CTNS: variants seen among roughly 807,000 people sequenced by gnomAD.
The protein encoded by CTNS is cystinosin, lysosomal cystine transporter.
A neutral mutation model predicts 43.7 loss-of-function variants in CTNS; 27 were observed. The ratio of observed to expected loss-of-function variants is 0.62; its 90% CI spans 0.46 to 0.85. The LOEUF is 0.85. Among genes scored for constraint, CTNS ranks in the 40% least tolerant of loss-of-function variants. The pLI is 0.00. For missense variants in CTNS, 457 were observed against 475.4 expected (o/e 0.96, Z 0.36); for synonymous variants, 187 against 190.6 (o/e 0.98, Z 0.16).
chr17:3,638,616 G>C (rs927023669), intron 2 of CTNS, among the ~76,000 whole-genome samples: 1 of 152,160 alleles, frequency 6.6e-6, no homozygotes, highest in Non-Finnish European at 1.5e-5. Flanking sequence ...TCCTCCAGGG[G>C]TCTCAGCCTT....
In CTNS at chr17:3,661,153, G is replaced by A; in HGVS notation, c.*784G>A. ...AGCTGCTCCTTACCCAGCATCTGGA[G>A]TACAGGACATAGCTCTCTCCTGCTA... is the stretch of plus-strand genomic sequence containing the variant. On this transcript the variant is annotated 3_prime_UTR_variant, in exon 12 of 12. Coordinates refer to ENST00000046640, the MANE Select transcript of CTNS (RefSeq NM_004937.3). 1 of 318,756 alleles carries A rather than the reference G, an allele frequency of 3.1e-6. No homozygotes were observed. The highest frequency in any genetic ancestry group is 2.7e-5 in the South Asian group (1 of 36,394). The allele number at this position is 318,756 out of a possible 1,614,324, so 19.7% of individuals were successfully genotyped here. A position where few individuals can be genotyped will look rare whatever the true frequency, so the allele number is the denominator to read the frequency against.
At chr17:3,655,746 C>T (rs1361959287) in intron 7 of CTNS, 2 of 326,220 alleles carry the variant, frequency 6.1e-6, no homozygotes, top group Non-Finnish European at 1.2e-5. Flanking sequence ...TGCAAAGACA[C>T]AAGCTGTCCT....
intron 10 of CTNS, 86 bp from the exon 11 acceptor site, chr17:3,659,772 T>C (rs1041484096): frequency 7.3e-6 from 7 of 952,784 alleles, no homozygotes; most frequent in African/African-American, 4.8e-5. Flanking sequence ...AGAACCGCTT[T>C]TGTTTGGAGG....
At chr17:3,643,592 TCTCA>T (rs75008409) in intron 3 of CTNS, among the ~76,000 whole-genome samples, 54,064 of 151,530 alleles carry the variant, frequency 0.36, 11,267 homozygotes, top group Non-Finnish European at 0.47. Context: ...TTAAACGGAT[TCTCA>T]CTCAGTTGCA....
intron 10 of CTNS, 117 bp downstream of exon 10, chr17:3,658,292 C>A: frequency 7.1e-7 from 1 of 1,399,156 alleles, no homozygotes; most frequent in Non-Finnish European, 9.8e-7. Context: ...CGGAAAGCCA[C>A]AGGGAGCCCG....
intron 3 of CTNS, 28 bp downstream of exon 3, chr17:3,640,295 TG>T (rs2075653504): frequency 1.2e-6 from 2 of 1,602,916 alleles, no homozygotes; most frequent in East Asian, 4.5e-5. Context: ...ACGTCAACTT[TG>T]TAAAGAGGGA....
chr17:3,660,193 G>T lies in CTNS; in HGVS notation c.971-43G>T, dbSNP rs376571017. ...CCCACAAGCTCCAGCTGCCTCAGGAGCTGCCAACCTAACACCAGCTTCTGT... is the reference window on the plus strand; with the variant it reads ...CCCACAAGCTCCAGCTGCCTCAGGATCTGCCAACCTAACACCAGCTTCTGT... On this transcript the variant is annotated intron_variant, in intron 11 of 11. Coordinates refer to ENST00000046640, the MANE Select transcript of CTNS (RefSeq NM_004937.3). 167 of 1,613,420 alleles carry T rather than the reference G, an allele frequency of 1.0e-4. 1 individual carries two copies. The African/African-American group carries it at 2.1e-3, about 21-fold the overall frequency.
At position 3,662,148 on chromosome 17, in the gene CTNS, TA is replaced by T. The variant is rs1231310557; in HGVS notation, c.*1782del. 1.3e-5 allele frequency among the ~76,000 whole-genome samples: 2 copies of T among 152,184 alleles called. No homozygotes were observed. Among genetic ancestry groups the T allele is most frequent in the South Asian group, 4.1e-4 (2 of 4,824 alleles). On this transcript the variant is annotated 3_prime_UTR_variant, in exon 12 of 12. Coordinates refer to ENST00000046640, the MANE Select transcript of CTNS (RefSeq NM_004937.3). The stretch of plus-strand genomic sequence containing the variant: ...CAACATTGCAAAACCCCATCTCTAC[TA>T]AAGATACAAAAATTAGCTGGGCATG...
chr17:3,639,159 C>T (rs2075618272), intron 2 of CTNS, among the ~76,000 whole-genome samples: 3 of 152,052 alleles, frequency 2.0e-5, no homozygotes, highest in East Asian at 3.9e-4. Context: ...GCAGGAGGCC[C>T]GTGAGACTGT....
intron 2 of CTNS, among the ~76,000 whole-genome samples, chr17:3,639,667 CAAAA>C: frequency 7.1e-6 from 1 of 141,208 alleles, no homozygotes; most frequent in African/African-American, 2.6e-5. Flanking sequence ...GACTCTGTCT[CAAAA>C]AAAAAAAAAT....
rs1353483490 is a variant in CTNS, at chr17:3,662,081, C to T, written c.*1712C>T. On this transcript the variant is annotated 3_prime_UTR_variant, in exon 12 of 12. Coordinates refer to ENST00000046640, the MANE Select transcript of CTNS (RefSeq NM_004937.3). ...ATCCCAGCACTTTGGGAGGCCAAGG[C>T]AGATGGATCACCTGACATCAGGAGT... 6.6e-6 allele frequency among the ~76,000 whole-genome samples: 1 copy of T among 152,144 alleles called. No individual in the cohort carries two copies. Among genetic ancestry groups the T allele is most frequent in the Non-Finnish European group, 1.5e-5 (1 of 68,024 alleles).
At chr17:3,656,928 A>G in intron 9 of CTNS, 133 bp downstream of exon 9, 1 of 1,434,312 alleles carries the variant, frequency 7.0e-7, no homozygotes, top group South Asian at 1.2e-5. Context: ...TGTGCTGGGC[A>G]TAGAAGACAC....
At chr17:3,641,380 ATATATTTTTTTT>A (rs2075696921) in intron 3 of CTNS, among the ~76,000 whole-genome samples, 1 of 38,232 alleles carries the variant, frequency 2.6e-5, no homozygotes, top group East Asian at 8.3e-4. Flanking sequence ...ATATATATAT[ATATATTTTTTTT>A]TTTTTTTTTT....
At chr17:3,656,874 C>T in intron 9 of CTNS, 79 bp downstream of exon 9, 1 of 1,599,722 alleles carries the variant, frequency 6.3e-7, no homozygotes, top group Non-Finnish European at 8.5e-7. Flanking sequence ...GAAGACACGG[C>T]AGAGCCTGGG....
At chr17:3,647,557 G>A (rs768724152) in intron 4 of CTNS, 35 bp downstream of exon 4, 56 of 1,595,562 alleles carry the variant, frequency 3.5e-5, no homozygotes, top group East Asian at 1.8e-4. Context: ...GCTCAGCTCC[G>A]CTCAGGCCCC....
chr17:3,647,114 A>G (rs161356), intron 3 of CTNS, among the ~76,000 whole-genome samples: 135,072 of 152,178 alleles, frequency 0.89, 62,188 homozygotes, highest in East Asian at 1. Context: ...CTCCCAGGTC[A>G]CGCTGGAATT....
intron 2 of CTNS, among the ~76,000 whole-genome samples, chr17:3,639,389 C>T (rs1325490036): frequency 6.6e-6 from 1 of 152,018 alleles, no homozygotes; most frequent in Non-Finnish European, 1.5e-5. Flanking sequence ...AAAGTCTTGA[C>T]AGGCGCGGTG....
chr17:3,650,567 G>A (rs1414852756), intron 5 of CTNS: 5 of 360,972 alleles, frequency 1.4e-5, no homozygotes, highest in Non-Finnish European at 2.5e-5. Flanking sequence ...AGAGGACCCC[G>A]CATGAGAGGG....
At chr17:3,656,923 T>TCA in intron 9 of CTNS, 128 bp downstream of exon 9, 1 of 1,476,802 alleles carries the variant, frequency 6.8e-7, no homozygotes, top group Non-Finnish European at 9.2e-7. Flanking sequence ...GGTCCTGTGC[T>TCA]GGGCATAGAA....
Sources: gnomAD v4.1 joint callset for allele counts (sites outside exome capture counted in the v4.1 genomes callset) on GRCh38, gnomAD v4.1.1 for gene constraint, MANE v1.5 for transcripts, NCBI Gene and HGNC (gene_info 2026-07-23, HGNC 2026-07-21) for gene names.